TBXAS1: variants seen among roughly 807,000 people sequenced by gnomAD.
TBXAS1 encodes the protein thromboxane-A synthase.
Under a neutral mutation model 60.7 loss-of-function variants are expected in TBXAS1, and 48 were observed. The observed-to-expected ratio is 0.79, with a 90% confidence interval of 0.63 to 1.01. The LOEUF is 1.01. Among genes scored for constraint, TBXAS1 ranks in the 50% least tolerant of loss-of-function variants. TBXAS1 has a pLI of 0.00. For synonymous variants in TBXAS1, 287 were observed against 269.7 expected, an observed-to-expected ratio of 1.06 and a Z score of -0.63; for missense variants, 685 against 686.3, an observed-to-expected ratio of 1.00 and a Z score of 0.02.
chr7:139,866,627 G>A (rs1424451541), intron 1 of TBXAS1, among the ~76,000 whole-genome samples: 4 of 151,230 alleles, frequency 2.6e-5, no homozygotes, highest in Non-Finnish European at 5.9e-5. Flanking sequence ...CTGTGGTTGC[G>A]CACACCTGTA....
chr7:140,019,554 A>G (rs995983474), intron 12 of TBXAS1, among the ~76,000 whole-genome samples: 2 of 152,156 alleles, frequency 1.3e-5, no homozygotes, highest in African/African-American at 2.4e-5. Context: ...GGAGACACGT[A>G]CAGCCCCAAG....
chr7:139,896,678 T>A lies in TBXAS1; in HGVS notation c.237-14547T>A, dbSNP rs2116963191. On this transcript the variant is annotated intron_variant, in intron 3 of 12. Coordinates refer to ENST00000448866, the MANE Select transcript of TBXAS1 (RefSeq NM_001061.7). The surrounding 1 kb of genome is among the most constrained non-coding windows in gnomAD (Gnocchi z 4.0). ...TTGTTTGAACTTATCTACTTAGAAA[T>A]GAGACTGTGGGGTTCTTCTTTTGGC... Among the ~76,000 whole-genome samples the A allele has an allele frequency of 6.6e-6, 1 of 152,172 alleles. No individual in the cohort carries two copies. The highest frequency in any genetic ancestry group is 1.9e-4 in the East Asian group (1 of 5,194).
At chr7:139,813,178 C>T (rs771970390) in intron 4 of TBXAS1, among the ~76,000 whole-genome samples, 7 of 152,212 alleles carry the variant, frequency 4.6e-5, no homozygotes, top group Non-Finnish European at 7.3e-5. Flanking sequence ...AGTTCATCCT[C>T]TGAGGAGGCG....
intron 4 of TBXAS1, among the ~76,000 whole-genome samples, chr7:139,812,473 G>A (rs1798042370): frequency 6.6e-6 from 1 of 152,160 alleles, no homozygotes; most frequent in Non-Finnish European, 1.5e-5. Flanking sequence ...ACAAACATAA[G>A]GAAGAAAATC....
At chr7:139,954,886 T>C (rs542258835) in intron 6 of TBXAS1, among the ~76,000 whole-genome samples, 4 of 152,220 alleles carry the variant, frequency 2.6e-5, no homozygotes, top group Non-Finnish European at 5.9e-5. Flanking sequence ...TTTATTTGAG[T>C]GCTAAGAGCC....
chr7:140,020,084 G>C lies in TBXAS1; in HGVS notation c.1587G>C (p.Lys529Asn), dbSNP rs200093421. 2 of 1,613,648 alleles carry C rather than the reference G, an allele frequency of 1.2e-6. No individual in the cohort carries two copies. The highest frequency in any genetic ancestry group is 4.5e-5 in the East Asian group (2 of 44,856). Residue 529 changes from lysine (K) to asparagine (N), a missense_variant, in exon 13 of 13, where the codon AAG (lysine) becomes AAC (asparagine). Coordinates refer to ENST00000448866, the MANE Select transcript of TBXAS1 (RefSeq NM_001061.7). Reference sequence around the variant, plus strand: ...GTCCAAAAAATGGTGTCTATATCAAGATCGTATCCCGCTGACACAGAAGGC... The same window carrying C: ...GTCCAAAAAATGGTGTCTATATCAACATCGTATCCCGCTGACACAGAAGGC... ...ALGPKNGVYI[K>N]IVSR
At chr7:139,788,596 A>G (rs371417453) in intron 4 of TBXAS1, among the ~76,000 whole-genome samples, 8 of 152,322 alleles carry the variant, frequency 5.3e-5, no homozygotes, top group African/African-American at 1.7e-4. Context: ...CAAACTGCCC[A>G]CCAGCCAATT....
At position 140,013,768 on chromosome 7, in the gene TBXAS1, C is replaced by A. The variant is rs1814800631; in HGVS notation, c.1227-1955C>A. Among the ~76,000 whole-genome samples the A allele has an allele frequency of 6.6e-6, 1 of 152,244 alleles. No homozygotes were observed. Among genetic ancestry groups the A allele is most frequent in the African/African-American group, 2.4e-5 (1 of 41,470 alleles). On this transcript the variant is annotated intron_variant, in intron 10 of 12. Coordinates refer to ENST00000448866, the MANE Select transcript of TBXAS1 (RefSeq NM_001061.7). This position sits in a 1 kb window ranked among gnomAD's most constrained non-coding sequence, Gnocchi z 4.2. ...CAGCCCTGAAGGCAGCTTGACCAGG[C>A]AAACCTGGAGACTGCATCAACACCA...
intron 4 of TBXAS1, among the ~76,000 whole-genome samples, chr7:139,807,265 G>A (rs906971488): frequency 6.6e-6 from 1 of 152,164 alleles, no homozygotes; most frequent in African/African-American, 2.4e-5. Context: ...GGAGTGCAGT[G>A]GCACGATCAT....
intron 9 of TBXAS1, among the ~76,000 whole-genome samples, chr7:139,972,941 G>C (rs1363365156): frequency 6.6e-6 from 1 of 152,070 alleles, no homozygotes. Flanking sequence ...CAGATTTGAG[G>C]GGGGACGAGC....
chr7:139,846,592 G>C (rs1799820325), intron 1 of TBXAS1, among the ~76,000 whole-genome samples: 1 of 152,044 alleles, frequency 6.6e-6, no homozygotes, highest in African/African-American at 2.4e-5. Flanking sequence ...GCTAGATCTT[G>C]GTTTTTATTT....
chr7:139,926,944 C>A (rs1806930470), intron 4 of TBXAS1, among the ~76,000 whole-genome samples: 1 of 151,618 alleles, frequency 6.6e-6, no homozygotes, highest in African/African-American at 2.4e-5. Flanking sequence ...GTATAGTTTC[C>A]AAAATTCCTC....
In TBXAS1 at chr7:139,998,454, G is replaced by A. The variant is rs547599946; in HGVS notation, c.1135-8637G>A. 3.3e-5 allele frequency among the ~76,000 whole-genome samples: 5 copies of A among 152,158 alleles called. No individual in the cohort carries two copies. The South Asian group carries it at 6.2e-4, about 19-fold the overall frequency. ...CAGGTAGGCCCAGGTAATGGAAAAGGCTTGGAATTTGAAGACCTGGATTCA... is the reference window on the plus strand; with the variant it reads ...CAGGTAGGCCCAGGTAATGGAAAAGACTTGGAATTTGAAGACCTGGATTCA... On this transcript the variant is annotated intron_variant, in intron 9 of 12. Coordinates refer to ENST00000448866, the MANE Select transcript of TBXAS1 (RefSeq NM_001061.7).
At chr7:139,928,448 T>C (rs1374768482) in intron 4 of TBXAS1, among the ~76,000 whole-genome samples, 4 of 152,270 alleles carry the variant, frequency 2.6e-5, no homozygotes, top group Non-Finnish European at 5.9e-5. Flanking sequence ...TAAGTCTTTA[T>C]CTGGTTTGGG....
intron 3 of TBXAS1, among the ~76,000 whole-genome samples, chr7:139,893,306 G>A (rs899739978): frequency 5.0e-4 from 68 of 137,316 alleles, no homozygotes; most frequent in South Asian, 7.2e-4. Flanking sequence ...TATATGTCCT[G>A]CACATATTCT....
chr7:139,841,678 T>C (rs1224409306), intron 1 of TBXAS1, among the ~76,000 whole-genome samples: 1 of 152,198 alleles, frequency 6.6e-6, no homozygotes, highest in African/African-American at 2.4e-5. Flanking sequence ...AATATCCCTA[T>C]CCTTCTCCTC....
chr7:139,968,581 C>A (rs1810962870), intron 9 of TBXAS1, among the ~76,000 whole-genome samples: 1 of 152,194 alleles, frequency 6.6e-6, no homozygotes, highest in Non-Finnish European at 1.5e-5. Context: ...AGGCGTGAGC[C>A]ACCGCGCCCG....
At chr7:139,900,591 A>ACACAAACTAACTTTAG (rs1187824649) in intron 3 of TBXAS1, among the ~76,000 whole-genome samples, 1 of 152,252 alleles carries the variant, frequency 6.6e-6, no homozygotes, top group Non-Finnish European at 1.5e-5. Flanking sequence ...GGGAAACCCA[A>ACACAAACTAACTTTAG]CACAAACTAA....
At chr7:139,829,506 T>C in intron 1 of TBXAS1, 27 bp downstream of exon 1, 1 of 1,606,192 alleles carries the variant, frequency 6.2e-7, no homozygotes, top group Non-Finnish European at 8.5e-7. Flanking sequence ...CTAGGGACTG[T>C]GACAGCGTCA....
Sources: gnomAD v4.1 joint callset for allele counts (sites outside exome capture counted in the v4.1 genomes callset) on GRCh38, gnomAD v4.1.1 for gene constraint, Gnocchi (gnomAD v3.1) non-coding constraint, MANE v1.5 for transcripts, NCBI Gene and HGNC (gene_info 2026-07-23, HGNC 2026-07-21) for gene names.